The following ERFL variants were observed in gnomAD, a reference collection of about 807,000 sequenced individuals.
The protein encoded by ERFL is ETS domain-containing transcription factor ERF-like.
Under a neutral mutation model 27.9 loss-of-function variants are expected in ERFL, and 8 were observed. The observed-to-expected ratio is 0.29, with a 90% confidence interval of 0.17 to 0.52. ERFL has a LOEUF of 0.52. Among genes scored for constraint, ERFL ranks in the 20% least tolerant of loss-of-function variants. The pLI, the probability that ERFL is intolerant of heterozygous loss-of-function variation, is 0.97. For synonymous variants in ERFL, 174 were observed against 202.8 expected, an observed-to-expected ratio of 0.86 and a Z score of 1.21; for missense variants, 294 against 444.4, an observed-to-expected ratio of 0.66 and a Z score of 3.04.
intron 1 of ERFL, among the ~76,000 whole-genome samples, chr19:41,919,512 T>TACACACACAC (rs60525805): frequency 1.1e-3 from 158 of 146,592 alleles, no homozygotes; most frequent in African/African-American, 3.8e-3. Flanking sequence ...CGTGCACGCG[T>TACACACACAC]ACACACACAC....
At position 41,912,884 on chromosome 19, in the gene ERFL, G is replaced by A; in HGVS notation, c.36C>T (p.Ala12=). The change falls in exon 2 of 6, where the codon GCC becomes GCT. Residue 12 remains alanine, a synonymous_variant. Transcript: ENST00000597630. ...DCSCVSDLLF[A]PPALPALWTP... ...TCCAGAGAGCCGGCAGGGCGGGCGG[G>A]GCGAAGAGAAGGTCGGAGACGCAGC... 1.6e-6 allele frequency: 2 copies of A among 1,231,568 alleles called. No individual in the cohort carries two copies. The highest frequency in any genetic ancestry group is 2.0e-6 in the Non-Finnish European group (2 of 987,874). 76.3% of individuals were successfully genotyped at this position (1,231,568 alleles called of 1,614,324 possible).
At position 41,921,425 on chromosome 19, in the gene ERFL, AG is replaced by A. The variant is rs1396268732; in HGVS notation, c.-14+6614del. Among the ~76,000 whole-genome samples, 1 of 152,174 alleles carries A rather than the reference AG, an allele frequency of 6.6e-6. No individual in the cohort carries two copies. The highest frequency in any genetic ancestry group is 2.4e-5 in the African/African-American group (1 of 41,424). On this transcript the variant is annotated intron_variant, in intron 1 of 5. Transcript: ENST00000597630. The surrounding 1 kb of genome is among the most constrained non-coding windows in gnomAD (Gnocchi z 4.4). ...AAGGCACAGAGAAGGAAAGAGACAC[AG>A]AGGACAAGGACAGGTCCCACAGAAA...
rs778495787 is a variant in ERFL, at chr19:41,921,494, GAGAGAC to G, written c.-14+6540_-14+6545del. Among the ~76,000 whole-genome samples, 1,757 of 152,252 alleles carry G rather than the reference GAGAGAC, an allele frequency of 0.012. 22 individuals carry two copies. Among genetic ancestry groups the G allele is most frequent in the South Asian group, 0.068 (328 of 4,808 alleles). ...GCCACATGCACACGCAGAGAGAAGA[GAGAGAC>G]AGAGACAGAGAGACAGGCAGGGGGA... On this transcript the variant is annotated intron_variant, in intron 1 of 5. Coordinates refer to ENST00000597630, the MANE Select transcript of ERFL (RefSeq NM_001365103.2). This position sits in a 1 kb window ranked among gnomAD's most constrained non-coding sequence, Gnocchi z 4.4.
At chr19:41,919,323 G>C (rs11878536) in intron 1 of ERFL, among the ~76,000 whole-genome samples, 40,560 of 152,068 alleles carry the variant, frequency 0.27, 11,631 homozygotes, top group African/African-American at 0.72. Context: ...AGAAGTTGCA[G>C]ACACATGCGC....
rs1358065878 is a variant in ERFL, at chr19:41,909,027, G to GC, written c.616+32dup. The GC allele has an allele frequency of 8.5e-7, 1 of 1,173,916 alleles. No homozygotes were observed. The highest frequency in any genetic ancestry group is 1.1e-6 in the Non-Finnish European group (1 of 936,008). 72.7% of individuals were successfully genotyped at this position (1,173,916 alleles called of 1,614,324 possible). ...TCAAGCCTGCAGCTTCTCCCACTGTGCCCCCAGCACCCCAGAACCTCCAGG... is the reference window on the plus strand; with the variant it reads ...TCAAGCCTGCAGCTTCTCCCACTGTGCCCCCCAGCACCCCAGAACCTCCAGG... On this transcript the variant is annotated intron_variant, in intron 5 of 5. Transcript: ENST00000597630. The surrounding 1 kb of genome is among the most constrained non-coding windows in gnomAD (Gnocchi z 5.2).
chr19:41,911,844 G>T (rs1309677997), intron 2 of ERFL, among the ~76,000 whole-genome samples: 1 of 152,074 alleles, frequency 6.6e-6, no homozygotes, highest in East Asian at 1.9e-4. Flanking sequence ...CACAGCTAGA[G>T]AGAGGACCCC....
chr19:41,913,566 C>A (rs188957799), intron 1 of ERFL, among the ~76,000 whole-genome samples: 1 of 151,576 alleles, frequency 6.6e-6, no homozygotes, highest in Admixed American at 6.6e-5. Context: ...CAGGGCAGCC[C>A]CCAGCGCCCT....
intron 2 of ERFL, among the ~76,000 whole-genome samples, chr19:41,912,038 G>A (rs150262156): frequency 3.8e-4 from 57 of 151,998 alleles, no homozygotes; most frequent in Non-Finnish European, 5.6e-4. Context: ...GAGACAGACC[G>A]CAAGAAACAG....
intron 2 of ERFL, among the ~76,000 whole-genome samples, chr19:41,911,774 C>T (rs1327276804): frequency 1.3e-5 from 2 of 152,136 alleles, no homozygotes; most frequent in African/African-American, 4.8e-5. Flanking sequence ...ACACCCAACC[C>T]GATACTCCAT....
intron 1 of ERFL, among the ~76,000 whole-genome samples, chr19:41,914,980 C>CTT: frequency 8.3e-6 from 1 of 120,998 alleles, no homozygotes; most frequent in African/African-American, 3.5e-5. Context: ...CTCCCTCCCC[C>CTT]TCCAGCATCT....
chr19:41,914,611 T>C (rs1236344087), intron 1 of ERFL, among the ~76,000 whole-genome samples: 7 of 46,488 alleles, frequency 1.5e-4, no homozygotes, highest in African/African-American at 5.1e-4. Flanking sequence ...TGTCTCTCCC[T>C]CCCCTTCCAC....
At chr19:41,920,180 G>T (rs149183367) in intron 1 of ERFL, among the ~76,000 whole-genome samples, 1 of 97,690 alleles carries the variant, frequency 1.0e-5, no homozygotes, top group African/African-American at 4.5e-5. Context: ...GACATGACAC[G>T]CTCACAGACA....
rs142789626 is a variant in ERFL, at chr19:41,908,077, C to CCCT, written c.*150_*151insAGG. The CCCT allele has an allele frequency of 3.8e-5, 20 of 519,732 alleles. No homozygotes were observed. The African/African-American group carries it at 3.9e-4, about 10-fold the overall frequency. 32.2% of individuals were successfully genotyped at this position (519,732 alleles called of 1,614,324 possible). On this transcript the variant is annotated 3_prime_UTR_variant, in exon 6 of 6. Transcript: ENST00000597630. This position sits in a 1 kb window ranked among gnomAD's most constrained non-coding sequence, Gnocchi z 6.7. ...GTGGAGGGGGAAGTGAGACCCCCCC[C>CCCT]ACTCTGGGGCTGGGGAAGGAGACTG... is the stretch of plus-strand genomic sequence containing the variant.
At chr19:41,922,736 G>A (rs1555852658) in intron 1 of ERFL, among the ~76,000 whole-genome samples, 3 of 152,196 alleles carry the variant, frequency 2.0e-5, no homozygotes, top group Non-Finnish European at 4.4e-5. Context: ...AGCCGGGCTG[G>A]GGGGGACTCA....
rs1342761968 is a variant in ERFL at position 41,909,208 on chromosome 19, T to G, written c.499-31A>C. The G allele has an allele frequency of 2.4e-6, 3 of 1,231,130 alleles. No homozygotes were observed. In the African/African-American group the frequency reaches 4.7e-5, roughly 19 times the overall value. The allele number at this position is 1,231,130 out of a possible 1,614,324, so 76.3% of individuals were successfully genotyped here. ...GAGGGAGTGGGAGAAGCCGCCCTTC[T>G]CAGACTGTCCCCTCCCCAGAGTGGG... On this transcript the variant is annotated intron_variant, in intron 4 of 5. Coordinates refer to ENST00000597630, the MANE Select transcript of ERFL (RefSeq NM_001365103.2). This position sits in a 1 kb window ranked among gnomAD's most constrained non-coding sequence, Gnocchi z 5.2.
rs112399906 is a variant in ERFL, at chr19:41,914,546, T to A, written c.-13-1614A>T. Among the ~76,000 whole-genome samples the A allele has an allele frequency of 4.2e-5, 5 of 118,448 alleles. No homozygotes were observed. In the South Asian group the frequency reaches 8.7e-4, roughly 21 times the overall value. 77.7% of individuals were successfully genotyped at this position (118,448 alleles called of 152,430 possible). A position where few individuals can be genotyped will look rare whatever the true frequency, so the allele number is the denominator to read the frequency against. The stretch of plus-strand genomic sequence containing the variant: ...TTCTCCCCATCTCTGCTATCCGTCT[T>A]TCCCTCCCCTTCCACCATCTCTGTC... On this transcript the variant is annotated intron_variant, in intron 1 of 5. Coordinates refer to ENST00000597630, the MANE Select transcript of ERFL (RefSeq NM_001365103.2).
At position 41,908,420 on chromosome 19, in the gene ERFL, C is replaced by T. The variant is rs2074731262; in HGVS notation, c.873G>A (p.Ser291=). ...TGEGLGPERP[S]GLAAAPRLAL... ...CCAGGCGAGGGGCCGCTGCCAGGCC[C>T]GAGGGGCGCTCGGGGCCCAGGCCCT... Residue 291 remains serine, a synonymous_variant, in exon 6 of 6, where the codon TCG becomes TCA. Transcript: ENST00000597630. This position sits in a 1 kb window ranked among gnomAD's most constrained non-coding sequence, Gnocchi z 6.7. 4 of 1,231,088 alleles carry T rather than the reference C, an allele frequency of 3.2e-6. No individual in the cohort carries two copies. The highest frequency in any genetic ancestry group is 3.2e-5 in the East Asian group (1 of 31,678). The allele number at this position is 1,231,088 out of a possible 1,614,324, so 76.3% of individuals were successfully genotyped here. A position where few individuals can be genotyped will look rare whatever the true frequency, so the allele number is the denominator to read the frequency against.
chr19:41,908,136 A>G lies in ERFL; in HGVS notation c.*92T>C. The stretch of plus-strand genomic sequence containing the variant: ...ATGTGCCCAGACCTGGGAGGTGCTG[A>G]GGGCTGGTCCTGGGCCTTGGGCCAG... On this transcript the variant is annotated 3_prime_UTR_variant, in exon 6 of 6. Coordinates refer to ENST00000597630, the MANE Select transcript of ERFL (RefSeq NM_001365103.2). This position sits in a 1 kb window ranked among gnomAD's most constrained non-coding sequence, Gnocchi z 6.7. 1 of 1,043,808 alleles carries G rather than the reference A, an allele frequency of 9.6e-7. No individual in the cohort carries two copies. Among genetic ancestry groups the G allele is most frequent in the East Asian group, 3.2e-5 (1 of 30,880 alleles). 64.7% of individuals were successfully genotyped at this position (1,043,808 alleles called of 1,614,324 possible).
intron 1 of ERFL, among the ~76,000 whole-genome samples, chr19:41,915,207 C>T (rs777806526): frequency 3.4e-5 from 5 of 147,236 alleles, no homozygotes; most frequent in Non-Finnish European, 4.5e-5. Context: ...AACTCCCCGC[C>T]GCCTCCTCCG....
Sources: gnomAD v4.1 joint callset for allele counts (sites outside exome capture counted in the v4.1 genomes callset) on GRCh38, gnomAD v4.1.1 for gene constraint, Gnocchi (gnomAD v3.1) non-coding constraint, MANE v1.5 for transcripts, NCBI Gene and HGNC (gene_info 2026-07-23, HGNC 2026-07-21) for gene names.